The following C10orf90 variants were observed in gnomAD, a reference collection of about 807,000 sequenced individuals.
The protein encoded by C10orf90 is (E2-independent) E3 ubiquitin-conjugating enzyme FATS.
A neutral mutation model predicts 62.5 loss-of-function variants in C10orf90; 56 were observed. The observed-to-expected ratio is 0.90, with a 90% CI of 0.72 to 1.12. The LOEUF (loss-of-function observed/expected upper bound fraction) is 1.12. Ranked by LOEUF, C10orf90 falls within the 50% of genes most tolerant of loss-of-function variation. The pLI, the probability that C10orf90 is intolerant of heterozygous loss-of-function variation, is 0.00. For missense variants in C10orf90, 970 were observed against 880.4 expected (o/e 1.10, Z -1.29); for synonymous variants, 386 against 340.4 (o/e 1.13, Z -1.47).
intron 7 of C10orf90, among the ~76,000 whole-genome samples, chr10:126,437,005 T>C (rs371547904): frequency 1.3e-5 from 2 of 152,254 alleles, no homozygotes; most frequent in African/African-American, 4.8e-5. Context: ...AAGAAGCTAA[T>C]GGCAATGCCA....
intron 7 of C10orf90, among the ~76,000 whole-genome samples, chr10:126,455,116 A>G (rs958013798): frequency 6.6e-6 from 1 of 151,924 alleles, no homozygotes; most frequent in African/African-American, 2.4e-5. Flanking sequence ...CACCCTCATC[A>G]TGTTGTACCT....
intron 2 of C10orf90, among the ~76,000 whole-genome samples, chr10:126,584,610 T>C (rs10128487): frequency 0.41 from 62,414 of 151,926 alleles, 13,090 homozygotes; most frequent in Middle Eastern, 0.47. Flanking sequence ...AGGAGAGATG[T>C]ACTTTGCTCA....
At chr10:126,623,266 C>T (rs747127480) in intron 2 of C10orf90, among the ~76,000 whole-genome samples, 3 of 152,152 alleles carry the variant, frequency 2.0e-5, no homozygotes, top group South Asian at 4.1e-4. Flanking sequence ...CCCACTACCC[C>T]TCTTGTTCAT....
intron 2 of C10orf90, among the ~76,000 whole-genome samples, chr10:126,602,976 AGAGAGAGACAGAGT>A (rs1254570644): frequency 2.0e-5 from 3 of 151,844 alleles, no homozygotes; most frequent in Admixed American, 2.0e-4. Flanking sequence ...AGGGAGAGAG[AGAGAGAGACAGAGT>A]GAGAGAGACA....
At chr10:126,435,921 C>T (rs1476461913) in intron 7 of C10orf90, among the ~76,000 whole-genome samples, 3 of 152,292 alleles carry the variant, frequency 2.0e-5, no homozygotes, top group Middle Eastern at 3.4e-3. Context: ...TTCCCACTTG[C>T]ACTCCATCCC....
chr10:126,580,601 C>A (rs1027631143), intron 2 of C10orf90, among the ~76,000 whole-genome samples: 1 of 148,384 alleles, frequency 6.7e-6, no homozygotes, highest in East Asian at 2.0e-4. Flanking sequence ...TGCAGTGAGC[C>A]GAGATTGTGC....
chr10:126,449,725 G>A (rs1180079562), intron 7 of C10orf90, among the ~76,000 whole-genome samples: 14 of 152,182 alleles, frequency 9.2e-5, no homozygotes, highest in Admixed American at 5.2e-4. Flanking sequence ...GGGGCCAGGC[G>A]CGATGGCTCA....
At chr10:126,562,195 G>A (rs963554881) in intron 2 of C10orf90, among the ~76,000 whole-genome samples, 1 of 152,124 alleles carries the variant, frequency 6.6e-6, no homozygotes, top group Admixed American at 6.5e-5. Context: ...GGGAGAATGC[G>A]GCCCTCATCT....
chr10:126,670,551 T>G lies in C10orf90; in HGVS notation c.-71A>C. 2 of 437,194 alleles carry G rather than the reference T, an allele frequency of 4.6e-6. No individual in the cohort carries two copies. Among genetic ancestry groups the G allele is most frequent in the Admixed American group, 4.8e-5 (2 of 41,610 alleles). The allele number at this position is 437,194 out of a possible 1,614,324, so 27.1% of individuals were successfully genotyped here. On this transcript the variant is annotated 5_prime_UTR_variant, in exon 1 of 10. Transcript: ENST00000488181. The stretch of plus-strand genomic sequence containing the variant: ...AATTTTCTTTGTTTAACCCAGGTAT[T>G]GAGTGCAACAGGAGGGACTTGGGCA...
chr10:126,517,832 C>T, intron 2 of C10orf90, among the ~76,000 whole-genome samples: 1 of 149,136 alleles, frequency 6.7e-6, no homozygotes, highest in Admixed American at 6.8e-5. Context: ...ATCGCTTGAA[C>T]CCAGGAGGTA....
At chr10:126,604,534 A>C (rs1225042792) in intron 2 of C10orf90, among the ~76,000 whole-genome samples, 1 of 152,194 alleles carries the variant, frequency 6.6e-6, no homozygotes, top group African/African-American at 2.4e-5. Flanking sequence ...CAGGAAAGAT[A>C]ATCTGTAAGA....
intron 4 of C10orf90, among the ~76,000 whole-genome samples, chr10:126,490,043 T>A (rs9663625): frequency 0.029 from 2,195 of 76,858 alleles, 90 homozygotes; most frequent in African/African-American, 0.089. Flanking sequence ...ATAATATATA[T>A]TATATATTAT....
chr10:126,593,273 C>T (rs1388736877), intron 2 of C10orf90, among the ~76,000 whole-genome samples: 1 of 152,144 alleles, frequency 6.6e-6, no homozygotes, highest in African/African-American at 2.4e-5. Flanking sequence ...ATAGCAAAGA[C>T]ATGCATTCAA....
intron 2 of C10orf90, among the ~76,000 whole-genome samples, chr10:126,617,390 T>C (rs1845562476): frequency 6.6e-6 from 1 of 152,216 alleles, no homozygotes; most frequent in Non-Finnish European, 1.5e-5. Context: ...CACAGCAAGA[T>C]GACACCACTG....
At chr10:126,558,816 A>G (rs1026931558) in intron 2 of C10orf90, among the ~76,000 whole-genome samples, 2 of 152,220 alleles carry the variant, frequency 1.3e-5, no homozygotes, top group African/African-American at 4.8e-5. Flanking sequence ...CCAGAGAGCA[A>G]GGGCTGTGCC....
At chr10:126,448,514 GT>G (rs1564799240) in intron 7 of C10orf90, among the ~76,000 whole-genome samples, 1 of 152,032 alleles carries the variant, frequency 6.6e-6, no homozygotes, top group Non-Finnish European at 1.5e-5. Context: ...TAAGCCCAAA[GT>G]TGGTGGAAAG....
chr10:126,472,375 A>G (rs1268905159), intron 4 of C10orf90, among the ~76,000 whole-genome samples: 1 of 152,208 alleles, frequency 6.6e-6, no homozygotes, highest in Non-Finnish European at 1.5e-5. Context: ...GAGCTACGAC[A>G]TATTTCTAGT....
chr10:126,579,009 T>C (rs1197957433), intron 2 of C10orf90, among the ~76,000 whole-genome samples: 2 of 152,148 alleles, frequency 1.3e-5, no homozygotes, highest in East Asian at 3.9e-4. Context: ...CTCATGAGAC[T>C]GTACACTTGT....
chr10:126,623,579 T>C (rs545309758), intron 2 of C10orf90, among the ~76,000 whole-genome samples: 5 of 152,164 alleles, frequency 3.3e-5, no homozygotes, highest in African/African-American at 7.2e-5. Flanking sequence ...TAGTGACTCA[T>C]GCCTGTAATC....
Sources: allele counts gnomAD v4.1 joint callset (sites outside exome capture counted in the v4.1 genomes callset), GRCh38; gene constraint gnomAD v4.1.1; transcripts MANE v1.5; gene names NCBI Gene and HGNC (gene_info 2026-07-23, HGNC 2026-07-21).